Variants in POTEC observed in about 807,000 individuals in gnomAD.
POTEC encodes POTE ankyrin domain family member C.
In POTEC, 35 loss-of-function variants were observed where a neutral mutation model predicts 62.0. That is an observed-to-expected ratio of 0.56 (90% confidence interval 0.43 to 0.75). POTEC has a LOEUF of 0.75. POTEC is among the 30% of genes least tolerant of loss of function. The pLI is 0.00. For missense variants in POTEC, 472 were observed against 655.9 expected (o/e 0.72, Z 3.06); for synonymous variants, 156 against 221.5 (o/e 0.70, Z 2.62).
At chr18:14,529,988 A>T (rs1328720405) in intron 6 of POTEC, among the ~76,000 whole-genome samples, 1 of 151,954 alleles carries the variant, frequency 6.6e-6, no homozygotes, top group Non-Finnish European at 1.5e-5. Context: ...GAACCACACC[A>T]CACAGGAGGA....
In POTEC at chr18:14,519,574, G is replaced by C. The variant is rs144255761; in HGVS notation, c.1409+2680C>G. On this transcript the variant is annotated intron_variant, in intron 9 of 10. Coordinates refer to ENST00000358970, the MANE Select transcript of POTEC (RefSeq NM_001137671.2). ...TCTACTAAAAATACAAAAATCAGCT[G>C]AGCATGGTGGCATGCACCTGTAATG... Among the ~76,000 whole-genome samples the C allele has an allele frequency of 5.9e-3, 893 of 152,100 alleles. 17 individuals carry two copies. The highest frequency in any genetic ancestry group is 0.058 in the South Asian group (276 of 4,798).
intron 4 of POTEC, among the ~76,000 whole-genome samples, chr18:14,533,867 TTC>T (rs930473244): frequency 4.1e-5 from 6 of 146,200 alleles, no homozygotes; most frequent in East Asian, 2.4e-4. Flanking sequence ...CCTAGCTCTT[TTC>T]TCTCTCTTTT....
In POTEC at chr18:14,509,372, G is replaced by A. The variant is rs1909935761; in HGVS notation, c.*2526C>T. On this transcript the variant is annotated 3_prime_UTR_variant, in exon 11 of 11. Coordinates refer to ENST00000358970, the MANE Select transcript of POTEC (RefSeq NM_001137671.2). ...TTTCCTCTGCACAGCATTACCTCAA[G>A]GGTGAGATGCTAGCAGGGGTGGGGT... is the stretch of plus-strand genomic sequence containing the variant. The A allele has an allele frequency of 6.6e-6, 1 of 151,980 alleles. No individual in the cohort carries two copies. Among genetic ancestry groups the A allele is most frequent in the African/African-American group, 2.4e-5 (1 of 41,362 alleles). The allele number at this position is 151,980 out of a possible 1,614,324, so 9.4% of individuals were successfully genotyped here.
intron 6 of POTEC, among the ~76,000 whole-genome samples, chr18:14,529,894 A>G (rs1397170630): frequency 6.6e-6 from 1 of 151,740 alleles, no homozygotes; most frequent in East Asian, 2.0e-4. Context: ...CCTTACTTTT[A>G]TTTTTTTATC....
intron 5 of POTEC, 112 bp from the exon 6 acceptor site, chr18:14,530,665 T>C (rs539369690): frequency 5.4e-4 from 500 of 928,716 alleles, no homozygotes; most frequent in Non-Finnish European, 6.1e-4. Context: ...TATCAGAATT[T>C]AACAGTATTA....
At chr18:14,542,285 GTTCTCAATATA>G (rs1905960793) in intron 1 of POTEC, among the ~76,000 whole-genome samples, 1 of 152,120 alleles carries the variant, frequency 6.6e-6, no homozygotes, top group East Asian at 1.9e-4. Flanking sequence ...ATGGGGCTTA[GTTCTCAATATA>G]CACCTTTCTA....
At chr18:14,536,106 T>C (rs1905704588) in intron 3 of POTEC, among the ~76,000 whole-genome samples, 1 of 147,294 alleles carries the variant, frequency 6.8e-6, no homozygotes, top group Admixed American at 6.8e-5. Flanking sequence ...TCATCTCTAC[T>C]AAAAAAAAAA....
intron 1 of POTEC, among the ~76,000 whole-genome samples, chr18:14,542,295 T>C (rs1192588181): frequency 1.3e-5 from 2 of 152,230 alleles, no homozygotes; most frequent in Non-Finnish European, 1.5e-5. Flanking sequence ...GTTCTCAATA[T>C]ACACCTTTCT....
intron 4 of POTEC, among the ~76,000 whole-genome samples, chr18:14,534,002 C>T (rs1426841531): frequency 2.0e-5 from 3 of 149,566 alleles, no homozygotes; most frequent in East Asian, 2.0e-4. Context: ...TATACATGTG[C>T]CATGCTGGTG....
intron 9 of POTEC, among the ~76,000 whole-genome samples, chr18:14,514,591 T>G (rs567750282): frequency 4.3e-4 from 66 of 152,198 alleles, no homozygotes; most frequent in Non-Finnish European, 7.9e-4. Flanking sequence ...ACATAGAACT[T>G]TGAATTCATT....
Position 14,511,969 on chromosome 18 carries a change from C to T in POTEC, c.1558G>A (p.Glu520Lys), listed in dbSNP as rs1282647895. 1.9e-6 allele frequency: 3 copies of T among 1,613,650 alleles called. No homozygotes were observed. The highest frequency in any genetic ancestry group is 3.3e-4 in the Middle Eastern group (2 of 6,036). ...SELSLSHKKE[E>K]DLLRENSMLQ... The stretch of plus-strand genomic sequence containing the variant: ...ATGCTGTTTTCACGCAAGAGATCTT[C>T]TTCTTTCTTATGACTAAGAGAAAGC... Residue 520 changes from glutamate to lysine, a missense_variant, in exon 11 of 11, where the codon GAA (glutamate) becomes AAA (lysine). Transcript: ENST00000358970.
chr18:14,539,979 G>A (rs1157589535), intron 1 of POTEC, among the ~76,000 whole-genome samples: 1 of 152,028 alleles, frequency 6.6e-6, no homozygotes, highest in African/African-American at 2.4e-5. Context: ...TAGGTTGGAA[G>A]TTCAATATTT....
In POTEC at chr18:14,511,989, G is replaced by C; in HGVS notation, c.1538C>G (p.Ser513Cys). ...ATCTTCTTCTTTCTTATGACTAAGAGAAAGCTAAGTAAACAAAGGGAACTT... is the reference window on the plus strand; with the variant it reads ...ATCTTCTTCTTTCTTATGACTAAGACAAAGCTAAGTAAACAAAGGGAACTT... ...VAEKKMNSEL[S>C]LSHKKEEDLL... The change falls in exon 11 of 11, where the codon TCT (serine) becomes TGT (cysteine). Residue 513 changes from serine to cysteine, a missense_variant. Transcript: ENST00000358970. 6.2e-7 allele frequency: 1 copy of C among 1,611,806 alleles called. No homozygotes were observed. The highest frequency in any genetic ancestry group is 8.5e-7 in the Non-Finnish European group (1 of 1,179,110).
chr18:14,538,672 A>G (rs1430294420), intron 1 of POTEC, among the ~76,000 whole-genome samples: 3 of 152,236 alleles, frequency 2.0e-5, no homozygotes, highest in Admixed American at 6.5e-5. Flanking sequence ...GTAAGATATT[A>G]TAATTTTTAC....
In POTEC at chr18:14,508,566, T is replaced by C. The variant is rs1231158427; in HGVS notation, c.*3332A>G. 6.5e-6 allele frequency: 1 copy of C among 152,704 alleles called. No individual in the cohort carries two copies. Among genetic ancestry groups the C allele is most frequent in the African/African-American group, 2.4e-5 (1 of 41,472 alleles). 9.5% of individuals were successfully genotyped at this position (152,704 alleles called of 1,614,324 possible). On this transcript the variant is annotated 3_prime_UTR_variant, in exon 11 of 11. Transcript: ENST00000358970. ...TCTTCTAGTGTGATTTACAGCTCTGTCAGGTCAGTTATTTTCTTCTTTATA... is the reference window on the plus strand; with the variant it reads ...TCTTCTAGTGTGATTTACAGCTCTGCCAGGTCAGTTATTTTCTTCTTTATA...
chr18:14,536,166 G>A (rs545631605), intron 3 of POTEC, among the ~76,000 whole-genome samples: 2 of 150,956 alleles, frequency 1.3e-5, no homozygotes, highest in Admixed American at 6.6e-5. Context: ...TCAAGGCTGT[G>A]GTGATCTGTG....
chr18:14,524,943 C>T lies in POTEC; in HGVS notation c.1167G>A (p.Arg389=), dbSNP rs747913147. 6.2e-6 allele frequency: 10 copies of T among 1,605,546 alleles called. No individual in the cohort carries two copies. The highest frequency in any genetic ancestry group is 2.7e-5 in the African/African-American group (2 of 74,266). ...GCTGGCTATTTTCACTGACTTTAAG[C>T]CTTTGTGACTCTTCCTCTGATGTTA... The part of the protein sequence containing the change: ...LKLTSEEESQ[R]LKVSENSQPE... Residue 389 remains arginine (R), a synonymous_variant, in exon 7 of 11, where the codon AGG becomes AGA. Coordinates refer to ENST00000358970, the MANE Select transcript of POTEC (RefSeq NM_001137671.2).
rs759843111 is a variant in POTEC at position 14,542,853 on chromosome 18, C to G, written c.294G>C (p.Met98Ile). Residue 98 changes from methionine to isoleucine, a missense_variant, in exon 1 of 11, where the codon ATG becomes ATC. Met to Ile is a conservative substitution (Grantham distance 10, BLOSUM62 1). This residue lies in a region of POTEC where 257 missense variants were observed against 250.7 expected (regional missense o/e 1.03). Coordinates refer to ENST00000358970, the MANE Select transcript of POTEC (RefSeq NM_001137671.2). ...NSFMKTLRSK[M>I]GKWCCHCFPC... The stretch of plus-strand genomic sequence containing the variant: ...GGAAGCAGTGACAGCACCACTTGCC[C>G]ATCTTGCTCCTGAGCGTCTTCATAA... 13 of 1,609,724 alleles carry G rather than the reference C, an allele frequency of 8.1e-6. No individual in the cohort carries two copies. Among genetic ancestry groups the G allele is most frequent in the African/African-American group, 1.3e-5 (1 of 74,676 alleles).
intron 9 of POTEC, among the ~76,000 whole-genome samples, chr18:14,516,333 T>C (rs1259913065): frequency 4.1e-5 from 3 of 73,324 alleles, no homozygotes; most frequent in Admixed American, 3.0e-4. Flanking sequence ...TATATATATA[T>C]ATACCTATAC....
Sources: gnomAD v4.1 joint callset for allele counts (sites outside exome capture counted in the v4.1 genomes callset) on GRCh38, gnomAD v4.1.1 for gene constraint, gnomAD v4.1.1 regional missense constraint, MANE v1.5 for transcripts, NCBI Gene and HGNC (gene_info 2026-07-23, HGNC 2026-07-21) for gene names.